The following MCUB variants were observed in gnomAD, a reference collection of about 807,000 sequenced individuals.
MCUB encodes mitochondrial calcium uniporter dominant negative subunit beta, also known as calcium uniporter regulatory subunit MCUb, mitochondrial.
Under a neutral mutation model 41.4 loss-of-function variants are expected in MCUB, and 46 were observed. That is an observed-to-expected ratio of 1.11 (90% CI 0.88 to 1.42). The LOEUF is 1.42. Ranked by LOEUF, MCUB falls within the 40% of genes most tolerant of loss-of-function variation. The pLI is 0.00. For synonymous variants in MCUB, 148 were observed against 148.2 expected (o/e 1.00, Z 0.01); for missense variants, 403 against 404.9 (o/e 1.00, Z 0.04).
At chr4:109,626,864 C>A (rs563695601) in intron 1 of MCUB, among the ~76,000 whole-genome samples, 1 of 149,122 alleles carries the variant, frequency 6.7e-6, no homozygotes, top group Non-Finnish European at 1.5e-5. Context: ...GGATAGCGTT[C>A]GTACTTGCAA....
intron 1 of MCUB, among the ~76,000 whole-genome samples, chr4:109,597,907 C>G (rs538880420): frequency 6.8e-6 from 1 of 148,120 alleles, no homozygotes; most frequent in African/African-American, 2.5e-5. Flanking sequence ...CGCTCCTCAC[C>G]TCCCAGACGG....
chr4:109,612,398 C>A (rs1404618514), intron 1 of MCUB, among the ~76,000 whole-genome samples: 1 of 151,736 alleles, frequency 6.6e-6, no homozygotes, highest in Non-Finnish European at 1.5e-5. Flanking sequence ...TCCTGAGTAG[C>A]TGGGATTACA....
At chr4:109,586,238 C>T (rs1579051343) in intron 1 of MCUB, among the ~76,000 whole-genome samples, 3 of 152,214 alleles carry the variant, frequency 2.0e-5, no homozygotes, top group Admixed American at 6.5e-5. Flanking sequence ...TCCACTTGAT[C>T]GAATTGGCTA....
intron 1 of MCUB, among the ~76,000 whole-genome samples, chr4:109,629,876 T>G (rs917499856): frequency 1.3e-5 from 2 of 152,194 alleles, no homozygotes; most frequent in Non-Finnish European, 2.9e-5. Context: ...GTTTGGCCAT[T>G]GGTGATCAAC....
intron 1 of MCUB, among the ~76,000 whole-genome samples, chr4:109,655,818 C>G (rs7658262): frequency 0.24 from 35,693 of 151,876 alleles, 4,890 homozygotes; most frequent in South Asian, 0.34. Flanking sequence ...CAGTGTGGTT[C>G]TCACCCTTGA....
At chr4:109,564,500 GC>G (rs1273124070) in intron 1 of MCUB, among the ~76,000 whole-genome samples, 2 of 152,004 alleles carry the variant, frequency 1.3e-5, no homozygotes, top group African/African-American at 4.8e-5. Context: ...CCTATTTCTT[GC>G]CCTCAAATCT....
chr4:109,645,628 A>G (rs1359685315), intron 1 of MCUB, among the ~76,000 whole-genome samples: 1 of 151,958 alleles, frequency 6.6e-6, no homozygotes, highest in African/African-American at 2.4e-5. Flanking sequence ...TGAACCCATC[A>G]CAGTTTCTTG....
At chr4:109,607,482 T>G (rs1425163355) in intron 1 of MCUB, among the ~76,000 whole-genome samples, 4 of 152,150 alleles carry the variant, frequency 2.6e-5, no homozygotes, top group Non-Finnish European at 5.9e-5. Flanking sequence ...CCTCCCAAAG[T>G]GCTGGGATTA....
At chr4:109,595,850 C>G (rs1359206157) in intron 1 of MCUB, among the ~76,000 whole-genome samples, 1 of 152,032 alleles carries the variant, frequency 6.6e-6, no homozygotes, top group African/African-American at 2.4e-5. Flanking sequence ...GGGGTAATAT[C>G]AGAGGGAGCC....
rs989497783 is a variant in MCUB, at chr4:109,662,057, C to T, written c.346+1692C>T. On this transcript the variant is annotated intron_variant, in intron 3 of 7. Coordinates refer to ENST00000394650, the MANE Select transcript of MCUB (RefSeq NM_017918.5). ...AGGTGGGAGCCTACTACACAGTGAC[C>T]GCAAAGGAGGGAGCTGGGAGAAAGG... Among the ~76,000 whole-genome samples the T allele has an allele frequency of 2.0e-5, 3 of 152,050 alleles. No individual in the cohort carries two copies. The South Asian group carries it at 6.2e-4, about 32-fold the overall frequency.
At chr4:109,625,134 T>C (rs1728334521) in intron 1 of MCUB, among the ~76,000 whole-genome samples, 1 of 152,110 alleles carries the variant, frequency 6.6e-6, no homozygotes. Context: ...AGCAAGACTC[T>C]GTCTCAAAAA....
intron 1 of MCUB, among the ~76,000 whole-genome samples, chr4:109,630,013 C>G (rs1728439507): frequency 6.6e-6 from 1 of 152,166 alleles, no homozygotes; most frequent in Non-Finnish European, 1.5e-5. Context: ...GAGCTGGCAG[C>G]TATCGGTCAA....
intron 1 of MCUB, among the ~76,000 whole-genome samples, chr4:109,603,757 G>A (rs561931467): frequency 1.1e-4 from 17 of 150,954 alleles, no homozygotes; most frequent in Admixed American, 2.6e-4. Context: ...CAGCTGCCCC[G>A]TCTGGGAGGT....
At chr4:109,567,951 G>T (rs1182975395) in intron 1 of MCUB, among the ~76,000 whole-genome samples, 7 of 151,984 alleles carry the variant, frequency 4.6e-5, no homozygotes, top group Admixed American at 6.6e-5. Context: ...CACCCGCCTC[G>T]GCCTCCCAAA....
intron 1 of MCUB, among the ~76,000 whole-genome samples, chr4:109,577,970 C>T (rs953376794): frequency 6.6e-6 from 1 of 152,098 alleles, no homozygotes; most frequent in Non-Finnish European, 1.5e-5. Context: ...CAAAAGTGAC[C>T]TAGCCACATC....
At chr4:109,580,664 T>C (rs1727150120) in intron 1 of MCUB, among the ~76,000 whole-genome samples, 1 of 152,258 alleles carries the variant, frequency 6.6e-6, no homozygotes. Flanking sequence ...GTCTGTTGGC[T>C]GCATAAATGT....
chr4:109,642,739 G>A (rs1228811784), intron 1 of MCUB, among the ~76,000 whole-genome samples: 1 of 151,980 alleles, frequency 6.6e-6, no homozygotes, highest in Admixed American at 6.6e-5. Context: ...TTCTAGAATA[G>A]GAGGCTGGAT....
intron 1 of MCUB, among the ~76,000 whole-genome samples, chr4:109,587,584 C>T (rs530562571): frequency 2.6e-5 from 4 of 152,242 alleles, no homozygotes; most frequent in African/African-American, 9.6e-5. Flanking sequence ...CCTATTCGTC[C>T]ATCTTGGAAC....
chr4:109,644,367 A>G (rs554663959), intron 1 of MCUB, among the ~76,000 whole-genome samples: 12 of 152,320 alleles, frequency 7.9e-5, no homozygotes, highest in East Asian at 7.7e-4. Context: ...TTTTATGCCA[A>G]TCTGTCTATA....
Sources: gnomAD v4.1 joint callset for allele counts (sites outside exome capture counted in the v4.1 genomes callset) on GRCh38, gnomAD v4.1.1 for gene constraint, MANE v1.5 for transcripts, NCBI Gene and HGNC (gene_info 2026-07-23, HGNC 2026-07-21) for gene names.